The following SNX13 variants were observed in gnomAD, a reference collection of about 807,000 sequenced individuals.
The protein encoded by SNX13 is sorting nexin 13.
Under a neutral mutation model 133.6 loss-of-function variants are expected in SNX13, and 45 were observed. The ratio of observed to expected loss-of-function variants is 0.34; its 90% CI spans 0.27 to 0.43. SNX13 has a LOEUF of 0.43. SNX13 is among the 20% of genes least tolerant of loss of function. The pLI is 1.00. For synonymous variants in SNX13, 414 were observed against 373.9 expected (o/e 1.11, Z -1.24); for missense variants, 1,032 against 1,145.1 (o/e 0.90, Z 1.43).
chr7:17,883,962 G>T (rs954783414), intron 5 of SNX13, among the ~76,000 whole-genome samples: 1 of 152,082 alleles, frequency 6.6e-6, no homozygotes, highest in Non-Finnish European at 1.5e-5. Flanking sequence ...CATTTTGTCC[G>T]TAGCTGCTTT....
intron 20 of SNX13, among the ~76,000 whole-genome samples, chr7:17,805,254 T>TGTGTGTGTGTGTGTGTGTGC (rs537620797): frequency 6.8e-5 from 9 of 132,522 alleles, no homozygotes; most frequent in East Asian, 4.3e-4. Flanking sequence ...TGTGTGTGCG[T>TGTGTGTGTGTGTGTGTGTGC]GCGCGCGCGC....
chr7:17,883,278 T>C (rs1795582417), intron 5 of SNX13, among the ~76,000 whole-genome samples: 1 of 152,172 alleles, frequency 6.6e-6, no homozygotes, highest in African/African-American at 2.4e-5. Flanking sequence ...ATAGTCATCA[T>C]TTCAGGAGTA....
At chr7:17,808,912 A>AT (rs1785644934) in intron 20 of SNX13, among the ~76,000 whole-genome samples, 1 of 152,196 alleles carries the variant, frequency 6.6e-6, no homozygotes, top group South Asian at 2.1e-4. Flanking sequence ...ATGCAGAGAG[A>AT]TTTTGTCACC....
At chr7:17,863,209 G>A (rs924119096) in intron 9 of SNX13, among the ~76,000 whole-genome samples, 1 of 152,082 alleles carries the variant, frequency 6.6e-6, no homozygotes, top group African/African-American at 2.4e-5. Flanking sequence ...TGCGCTGACT[G>A]ACATGGCCTG....
intron 20 of SNX13, among the ~76,000 whole-genome samples, chr7:17,813,074 C>T (rs1453286015): frequency 6.6e-6 from 1 of 151,944 alleles, no homozygotes; most frequent in South Asian, 2.1e-4. Context: ...ATGTAACAAA[C>T]CTGCACATTC....
chr7:17,888,976 T>C, intron 5 of SNX13: 1 of 218,358 alleles, frequency 4.6e-6, no homozygotes, highest in South Asian at 5.8e-5. Context: ...CACATTTTTA[T>C]ATATTTTTCA....
At chr7:17,909,987 A>G (rs1241910704) in intron 1 of SNX13, among the ~76,000 whole-genome samples, 1 of 152,208 alleles carries the variant, frequency 6.6e-6, no homozygotes, top group East Asian at 1.9e-4. Flanking sequence ...ATGTCACAGC[A>G]ATACGATGGC....
intron 1 of SNX13, 82 bp downstream of exon 1, chr7:17,940,202 C>T (rs1802665976): frequency 6.5e-7 from 1 of 1,536,164 alleles, no homozygotes; most frequent in Non-Finnish European, 8.8e-7. Flanking sequence ...GCCCACCTTC[C>T]GTACAGATGA....
intron 1 of SNX13, among the ~76,000 whole-genome samples, chr7:17,921,747 G>T (rs1219120593): frequency 1.3e-5 from 2 of 152,220 alleles, no homozygotes; most frequent in African/African-American, 4.8e-5. Context: ...CCATGCATCA[G>T]AATTTCCAAT....
At chr7:17,832,394 C>T (rs1788600899) in intron 15 of SNX13, 1 of 984,482 alleles carries the variant, frequency 1.0e-6, no homozygotes, top group African/African-American at 1.7e-5. Flanking sequence ...CTACTATCAC[C>T]AGTTTAAATT....
At chr7:17,873,474 A>C in intron 8 of SNX13, 54 bp downstream of exon 8, 1 of 1,276,182 alleles carries the variant, frequency 7.8e-7, no homozygotes, top group Non-Finnish European at 1.0e-6. Flanking sequence ...AAATTTTGAA[A>C]ACTACTGCTC....
chr7:17,839,927 G>A lies in SNX13; in HGVS notation c.1239C>T (p.Ala413=), dbSNP rs772194081. The part of the protein sequence containing the change: ...WMTVEGYRVT[A]QQQLEVLLSR... Reference sequence around the variant, plus strand: ...TTAATAAAACTTCTAGCTGCTGTTGGGCGGTAACCCGGTATCCTTCCACTG... The same window carrying A: ...TTAATAAAACTTCTAGCTGCTGTTGAGCGGTAACCCGGTATCCTTCCACTG... The change falls in exon 13 of 26, where the codon GCC becomes GCT. Residue 413 remains alanine (A), a synonymous_variant. Coordinates refer to ENST00000428135, the MANE Select transcript of SNX13 (RefSeq NM_015132.5). 1.9e-5 allele frequency: 31 copies of A among 1,611,964 alleles called. No individual in the cohort carries two copies. Among genetic ancestry groups the A allele is most frequent in the South Asian group, 1.9e-4 (17 of 91,008 alleles).
rs1175850225 is a variant in SNX13, at chr7:17,875,751, G to A, written c.480C>T (p.Arg160=). 2 of 1,610,944 alleles carry A rather than the reference G, an allele frequency of 1.2e-6. No individual in the cohort carries two copies. The highest frequency in any genetic ancestry group is 2.2e-5 in the South Asian group (2 of 90,554). Residue 160 remains arginine, a synonymous_variant, in exon 6 of 26, where the codon CGC becomes CGT. Transcript: ENST00000428135. The part of the protein sequence containing the change: ...EIDWQPYFTT[R]IVDDFGTHLR... The stretch of plus-strand genomic sequence containing the variant: ...AGTGTGTGCCAAAGTCATCTACAAT[G>A]CGTGTAGTAAAATAAGGTTGCCAGT...
intron 20 of SNX13, among the ~76,000 whole-genome samples, chr7:17,807,309 C>T (rs534991516): frequency 6.6e-6 from 1 of 152,224 alleles, no homozygotes; most frequent in South Asian, 2.1e-4. Flanking sequence ...GGGGCCCCCA[C>T]TAAGGCTTGA....
chr7:17,910,566 A>G (rs1798855490), intron 1 of SNX13, among the ~76,000 whole-genome samples: 1 of 152,212 alleles, frequency 6.6e-6, no homozygotes, highest in African/African-American at 2.4e-5. Flanking sequence ...TCCTATGTAC[A>G]TACCCAAAAT....
At chr7:17,902,025 A>G (rs1797894362) in intron 1 of SNX13, among the ~76,000 whole-genome samples, 1 of 152,230 alleles carries the variant, frequency 6.6e-6, no homozygotes, top group South Asian at 2.1e-4. Context: ...GTTGATATGG[A>G]GAAGATTCAT....
intron 9 of SNX13, chr7:17,868,191 C>G (rs915608880): frequency 2.1e-6 from 1 of 481,272 alleles, no homozygotes; most frequent in African/African-American, 2.0e-5. Context: ...GCACCATAAC[C>G]GCAAGGAAGA....
intron 9 of SNX13, among the ~76,000 whole-genome samples, chr7:17,859,540 A>AT (rs2128336290): frequency 6.6e-6 from 1 of 152,252 alleles, no homozygotes; most frequent in South Asian, 2.1e-4. Flanking sequence ...GTGGTCAAAA[A>AT]CAGAAAACAT....
chr7:17,891,224 A>C (rs1387774887), intron 4 of SNX13, among the ~76,000 whole-genome samples: 2 of 152,050 alleles, frequency 1.3e-5, no homozygotes, highest in Middle Eastern at 3.2e-3. Context: ...TAGGAAAAAA[A>C]GTCTGATTTA....
Sources: allele counts gnomAD v4.1 joint callset (sites outside exome capture counted in the v4.1 genomes callset), GRCh38; gene constraint gnomAD v4.1.1; transcripts MANE v1.5; gene names NCBI Gene and HGNC (gene_info 2026-07-23, HGNC 2026-07-21).